The following TRAPPC3L variants were observed in gnomAD, a reference collection of about 807,000 sequenced individuals.
TRAPPC3L encodes the protein trafficking protein particle complex subunit 3L, also known as trafficking protein particle complex subunit 3-like protein.
A neutral mutation model predicts 23.7 loss-of-function variants in TRAPPC3L; 23 were observed. That is an observed-to-expected ratio of 0.97 (90% CI 0.70 to 1.37). The LOEUF (loss-of-function observed/expected upper bound fraction) is 1.37. Among genes scored for constraint, TRAPPC3L ranks in the 40% most tolerant of loss-of-function variants. TRAPPC3L has a pLI of 0.00. For missense variants in TRAPPC3L, 212 were observed against 216.8 expected, an observed-to-expected ratio of 0.98 and a Z score of 0.14; for synonymous variants, 81 against 77.9, an observed-to-expected ratio of 1.04 and a Z score of -0.21.
At chr6:116,529,615 C>T (rs1772575248) in intron 3 of TRAPPC3L, among the ~76,000 whole-genome samples, 1 of 152,204 alleles carries the variant, frequency 6.6e-6, no homozygotes, top group South Asian at 2.1e-4. Flanking sequence ...CTCTCCATGT[C>T]CTGCAAGGCA....
intron 3 of TRAPPC3L, among the ~76,000 whole-genome samples, chr6:116,537,042 G>C (rs150125580): frequency 6.6e-6 from 1 of 152,308 alleles, no homozygotes; most frequent in East Asian, 1.9e-4. Context: ...TGACATTAGT[G>C]CTACAAGTAA....
At chr6:116,521,694 T>TA (rs1488333765) in intron 3 of TRAPPC3L, 1 of 152,120 alleles carries the variant, frequency 6.6e-6, no homozygotes, top group Admixed American at 6.5e-5. Flanking sequence ...TACCCAGAAA[T>TA]AATGCTTTAA....
chr6:116,534,713 G>T (rs1772964385), intron 3 of TRAPPC3L, among the ~76,000 whole-genome samples: 1 of 151,012 alleles, frequency 6.6e-6, no homozygotes. Flanking sequence ...TCATTTCCTT[G>T]ATTTTTTATT....
Position 116,545,587 on chromosome 6 carries a change from A to C in TRAPPC3L, c.-73T>G. 1 of 1,383,066 alleles carries C rather than the reference A, an allele frequency of 7.2e-7. No homozygotes were observed. Among genetic ancestry groups the C allele is most frequent in the East Asian group, 2.5e-5 (1 of 39,282 alleles). 85.7% of individuals were successfully genotyped at this position (1,383,066 alleles called of 1,614,324 possible). A position where few individuals can be genotyped will look rare whatever the true frequency, so the allele number is the denominator to read the frequency against. ...CTGTTTCTTAGAGGTGTATCAGTCC[A>C]TGTCTTTTTGTTTTGTTTTTGTAAG... On this transcript the variant is annotated 5_prime_UTR_variant, in exon 1 of 5. An upstream start codon of the reference 5' UTR is lost. Transcript: ENST00000368602.
intron 1 of TRAPPC3L, chr6:116,543,773 A>C (rs1251068194): frequency 1.3e-6 from 2 of 1,488,514 alleles, no homozygotes; most frequent in South Asian, 2.5e-5. Context: ...AGTTGGAAGC[A>C]AGAATTGGAT....
At chr6:116,533,564 G>A (rs534936324) in intron 3 of TRAPPC3L, among the ~76,000 whole-genome samples, 2 of 152,286 alleles carry the variant, frequency 1.3e-5, no homozygotes, top group Admixed American at 6.5e-5. Context: ...AATTTAAAAC[G>A]GCAATAGAAA....
At chr6:116,508,844 A>G (rs1248288848) in intron 3 of TRAPPC3L, among the ~76,000 whole-genome samples, 1 of 152,192 alleles carries the variant, frequency 6.6e-6, no homozygotes, top group East Asian at 1.9e-4. Flanking sequence ...CATAGCAATC[A>G]GGCAAGAGAA....
intron 3 of TRAPPC3L, among the ~76,000 whole-genome samples, chr6:116,539,992 T>C (rs908778077): frequency 1.3e-5 from 2 of 152,168 alleles, no homozygotes; most frequent in African/African-American, 4.8e-5. Flanking sequence ...TATTCTTTGA[T>C]ACTACCAAAA....
chr6:116,536,316 A>G (rs1389327817), intron 3 of TRAPPC3L, among the ~76,000 whole-genome samples: 4 of 152,154 alleles, frequency 2.6e-5, no homozygotes, highest in Non-Finnish European at 5.9e-5. Context: ...ATTTCTTTTC[A>G]GACCACTAGA....
In TRAPPC3L at chr6:116,495,711, A is replaced by G. The variant is rs1186861337; in HGVS notation, c.*1243T>C. 1 of 152,166 alleles carries G rather than the reference A, an allele frequency of 6.6e-6. No individual in the cohort carries two copies. The highest frequency in any genetic ancestry group is 1.5e-5 in the Non-Finnish European group (1 of 68,030). 9.4% of individuals were successfully genotyped at this position (152,166 alleles called of 1,614,324 possible). ...CTGTTTTGGATAAAAGCCATTTTTA[A>G]CTAGGGTGAGATAATATCTCATTAT... On this transcript the variant is annotated 3_prime_UTR_variant, in exon 5 of 5. Transcript: ENST00000368602.
intron 3 of TRAPPC3L, chr6:116,518,268 C>G (rs912549093): frequency 1.3e-5 from 2 of 152,098 alleles, no homozygotes; most frequent in African/African-American, 4.8e-5. Flanking sequence ...TGCTGGGGAT[C>G]TGCACTTAAT....
chr6:116,511,996 C>T (rs763568673), intron 3 of TRAPPC3L: 1 of 1,614,048 alleles, frequency 6.2e-7, no homozygotes. Context: ...TCTACGTCCT[C>T]GGCCAGATCA....
chr6:116,515,669 C>T (rs370582612), intron 3 of TRAPPC3L: 33 of 1,613,784 alleles, frequency 2.0e-5, no homozygotes, highest in African/African-American at 1.1e-4. Context: ...TGCTCGCTGC[C>T]GATCTAAAGT....
Position 116,500,531 on chromosome 6 carries a change from G to A in TRAPPC3L, c.376C>T (p.Leu126=). ...VEELPAGRSS[L]CYCNLLCGII... ...CCACAGAGCAAGTTGCAGTAGCACAGAGAAGATCGCCCAGCAGGGAGCTCT... is the reference window on the plus strand; with the variant it reads ...CCACAGAGCAAGTTGCAGTAGCACAAAGAAGATCGCCCAGCAGGGAGCTCT... The change falls in exon 4 of 5, where the codon CTG becomes TTG. Residue 126 remains leucine (L), a synonymous_variant. Coordinates refer to ENST00000368602, the MANE Select transcript of TRAPPC3L (RefSeq NM_001139444.3). 6.4e-7 allele frequency: 1 copy of A among 1,551,718 alleles called. No homozygotes were observed. The highest frequency in any genetic ancestry group is 8.7e-7 in the Non-Finnish European group (1 of 1,146,998).
intron 3 of TRAPPC3L, among the ~76,000 whole-genome samples, chr6:116,502,368 G>A (rs1396279185): frequency 6.6e-6 from 1 of 152,222 alleles, no homozygotes; most frequent in Non-Finnish European, 1.5e-5. Flanking sequence ...AGAAATATGG[G>A]ACTATGTGAA....
At chr6:116,502,127 A>G (rs892536016) in intron 3 of TRAPPC3L, among the ~76,000 whole-genome samples, 4 of 152,228 alleles carry the variant, frequency 2.6e-5, no homozygotes, top group African/African-American at 9.6e-5. Flanking sequence ...AAAACCTTGA[A>G]AAAAGGTTAG....
At position 116,540,410 on chromosome 6, in the gene TRAPPC3L, C is replaced by T. The variant is rs1583295085; in HGVS notation, c.193G>A (p.Val65Met). The change falls in exon 3 of 5, where the codon GTG becomes ATG. Residue 65 changes from valine to methionine, a missense_variant. Coordinates refer to ENST00000368602, the MANE Select transcript of TRAPPC3L (RefSeq NM_001139444.3). ...TCTGAATAACTATGGCATCTTCCCA[C>T]GCAGGATCGAGCCAAAAAGTCTTCC... The part of the protein sequence containing the change: ...LVEDFLARSC[V>M]GRCHSYSEII... 3 of 1,551,202 alleles carry T rather than the reference C, an allele frequency of 1.9e-6. No individual in the cohort carries two copies. Among genetic ancestry groups the T allele is most frequent in the Admixed American group, 3.9e-5 (2 of 50,964 alleles).
At position 116,496,891 on chromosome 6, in the gene TRAPPC3L, T is replaced by C; in HGVS notation, c.*63A>G. The C allele has an allele frequency of 2.0e-6, 3 of 1,488,996 alleles. No individual in the cohort carries two copies. The highest frequency in any genetic ancestry group is 2.7e-6 in the Non-Finnish European group (3 of 1,126,054). 92.2% of individuals were successfully genotyped at this position (1,488,996 alleles called of 1,614,324 possible). A position where few individuals can be genotyped will look rare whatever the true frequency, so the allele number is the denominator to read the frequency against. On this transcript the variant is annotated 3_prime_UTR_variant, in exon 5 of 5. Coordinates refer to ENST00000368602, the MANE Select transcript of TRAPPC3L (RefSeq NM_001139444.3). ...TATGAAGCAATTCAAAATTTCTATG[T>C]CTATACATGTTTAGCTAACATTAAC...
intron 4 of TRAPPC3L, among the ~76,000 whole-genome samples, chr6:116,498,718 G>A (rs1475340784): frequency 5.9e-5 from 9 of 152,236 alleles, no homozygotes; most frequent in Middle Eastern, 3.4e-3. Context: ...TTTCAGGTCC[G>A]GTTTAACTTA....
Sources: allele counts gnomAD v4.1 joint callset (sites outside exome capture counted in the v4.1 genomes callset), GRCh38; gene constraint gnomAD v4.1.1; transcripts MANE v1.5; gene names NCBI Gene and HGNC (gene_info 2026-07-23, HGNC 2026-07-21).